KLHL32: variants seen among roughly 807,000 people sequenced by gnomAD.
KLHL32 encodes the protein kelch like family member 32.
In KLHL32, 35 loss-of-function variants were observed where a neutral mutation model predicts 64.8. The ratio of observed to expected loss-of-function variants is 0.54; its 90% confidence interval spans 0.41 to 0.72. The LOEUF is 0.72. KLHL32 is among the 30% of genes least tolerant of loss of function. The pLI is 0.00. For synonymous variants in KLHL32, 259 were observed against 281.0 expected (o/e 0.92, Z 0.78); for missense variants, 589 against 768.5 (o/e 0.77, Z 2.76).
chr6:97,126,623 C>A (rs963895577), intron 7 of KLHL32, among the ~76,000 whole-genome samples: 8 of 152,002 alleles, frequency 5.3e-5, no homozygotes, highest in African/African-American at 1.9e-4. Context: ...AGTATGGTAG[C>A]CATTAGCCCC....
At chr6:96,900,492 C>T in the KLHL32 span, among the ~76,000 whole-genome samples, 27 of 152,106 alleles carry the variant, frequency 1.8e-4, no homozygotes, top group African/African-American at 6.5e-4. Context: ...GCTCAGCACA[C>T]GTGGTGGTAT....
At chr6:97,110,525 G>A (rs939844197) in intron 6 of KLHL32, among the ~76,000 whole-genome samples, 6 of 152,172 alleles carry the variant, frequency 3.9e-5, no homozygotes, top group African/African-American at 1.2e-4. Context: ...AAATCATCTA[G>A]TGCCTTAGAG....
At chr6:97,039,099 A>AG (rs1236084793) in intron 3 of KLHL32, among the ~76,000 whole-genome samples, 257 of 151,116 alleles carry the variant, frequency 1.7e-3, no homozygotes, top group African/African-American at 6.0e-3. Context: ...CAAAAAAAAA[A>AG]AAAAAAGAAA....
the KLHL32 span, among the ~76,000 whole-genome samples, chr6:96,910,194 G>C: frequency 2.0e-4 from 30 of 152,108 alleles, no homozygotes; most frequent in Non-Finnish European, 4.1e-4. Flanking sequence ...AACAGGGAGT[G>C]GCACAGGGAG....
intron 3 of KLHL32, among the ~76,000 whole-genome samples, chr6:97,019,872 C>A (rs971079982): frequency 6.6e-6 from 1 of 151,616 alleles, no homozygotes; most frequent in African/African-American, 2.4e-5. Flanking sequence ...CTCTGCCTCC[C>A]GGGTTCAAGC....
At chr6:97,138,385 A>T (rs1378639192) in intron 10 of KLHL32, among the ~76,000 whole-genome samples, 1 of 152,130 alleles carries the variant, frequency 6.6e-6, no homozygotes, top group Non-Finnish European at 1.5e-5. Flanking sequence ...CAGAAAATTT[A>T]CAGATTAGCT....
chr6:97,022,474 T>G (rs1484757422), intron 3 of KLHL32, among the ~76,000 whole-genome samples: 1 of 149,844 alleles, frequency 6.7e-6, no homozygotes, highest in African/African-American at 2.5e-5. Flanking sequence ...CACCTAATTT[T>G]TTTTTTTTTT....
chr6:96,901,567 AG>A, the KLHL32 span, among the ~76,000 whole-genome samples: 1 of 152,284 alleles, frequency 6.6e-6, no homozygotes. Context: ...TTGCTATGTA[AG>A]GTAGCATTTG....
intron 1 of KLHL32, among the ~76,000 whole-genome samples, chr6:96,958,381 T>C (rs1194854283): frequency 6.6e-6 from 1 of 152,084 alleles, no homozygotes; most frequent in Admixed American, 6.6e-5. Context: ...AGGTGACATC[T>C]GAAACCTGCA....
chr6:97,076,178 T>G (rs1212568829), intron 5 of KLHL32, among the ~76,000 whole-genome samples: 1 of 152,186 alleles, frequency 6.6e-6, no homozygotes. Context: ...TTATCTCCAG[T>G]GAAGTATTTT....
intron 2 of KLHL32, 73 bp downstream of exon 2, chr6:96,967,156 A>G: frequency 7.2e-7 from 1 of 1,379,788 alleles, no homozygotes; most frequent in Non-Finnish European, 1.0e-6. Context: ...TTCTAGGATC[A>G]AGCACAAAGC....
At chr6:96,950,500 T>TAAA (rs59688440) in intron 1 of KLHL32, among the ~76,000 whole-genome samples, 2 of 147,726 alleles carry the variant, frequency 1.4e-5, no homozygotes, top group African/African-American at 4.9e-5. Flanking sequence ...GTTGTCACGT[T>TAAA]AAAAAAAAAA....
At chr6:97,135,339 T>C (rs2128224194) in intron 10 of KLHL32, among the ~76,000 whole-genome samples, 1 of 146,564 alleles carries the variant, frequency 6.8e-6, no homozygotes, top group East Asian at 2.0e-4. Context: ...AGTGTCTTGC[T>C]CTGTCACCCA....
chr6:96,981,677 T>C (rs969982442), intron 3 of KLHL32, among the ~76,000 whole-genome samples: 8 of 152,158 alleles, frequency 5.3e-5, no homozygotes, highest in African/African-American at 1.9e-4. Context: ...AACTTTTTGA[T>C]ATGGGCATTT....
At chr6:96,912,203 T>A in the KLHL32 span, among the ~76,000 whole-genome samples, 1 of 152,012 alleles carries the variant, frequency 6.6e-6, no homozygotes, top group Non-Finnish European at 1.5e-5. Context: ...CAACTCTTAA[T>A]CCCTTCCCAT....
chr6:97,003,643 A>G (rs761357405), intron 3 of KLHL32, among the ~76,000 whole-genome samples: 5 of 152,162 alleles, frequency 3.3e-5, no homozygotes, highest in Admixed American at 2.0e-4. Flanking sequence ...TTTAGCTTTA[A>G]TCCATCTTGA....
intron 3 of KLHL32, among the ~76,000 whole-genome samples, chr6:97,002,275 C>T (rs1192748816): frequency 7.2e-5 from 11 of 152,186 alleles, no homozygotes; most frequent in African/African-American, 2.7e-4. Context: ...GGATGAAGCC[C>T]ACTCACATTA....
intron 1 of KLHL32, among the ~76,000 whole-genome samples, chr6:96,940,505 A>C (rs1182753615): frequency 2.0e-5 from 3 of 152,200 alleles, no homozygotes; most frequent in Admixed American, 6.5e-5. Flanking sequence ...GAAAGTGGCA[A>C]CTGAATTTGA....
At chr6:97,098,015 G>A (rs1388070089) in intron 6 of KLHL32, among the ~76,000 whole-genome samples, 4 of 152,168 alleles carry the variant, frequency 2.6e-5, no homozygotes, top group African/African-American at 4.8e-5. Flanking sequence ...GGCAAACATA[G>A]GGGAGGGGTT....
Sources: allele counts gnomAD v4.1 joint callset (sites outside exome capture counted in the v4.1 genomes callset), GRCh38; gene constraint gnomAD v4.1.1; transcripts MANE v1.5; gene names NCBI Gene and HGNC (gene_info 2026-07-23, HGNC 2026-07-21).